Variants in ST8SIA1 observed in about 807,000 individuals in gnomAD.
ST8SIA1 encodes the protein ST8 alpha-N-acetyl-neuraminide alpha-2,8-sialyltransferase 1.
Under a neutral mutation model 35.9 loss-of-function variants are expected in ST8SIA1, and 16 were observed. That is an observed-to-expected ratio of 0.45 (90% CI 0.30 to 0.68). The LOEUF is 0.68. Ranked by LOEUF, ST8SIA1 falls within the 30% of genes least tolerant of loss-of-function variation. The probability of loss-of-function intolerance (pLI) is 0.09; values close to 1 mark genes in which losing one functional copy is unlikely to be tolerated. For missense variants in ST8SIA1, 383 were observed against 453.6 expected, an observed-to-expected ratio of 0.84 and a Z score of 1.41; for synonymous variants, 170 against 169.6, an observed-to-expected ratio of 1.00 and a Z score of -0.02.
intron 4 of ST8SIA1, among the ~76,000 whole-genome samples, chr12:22,226,645 G>T (rs1395889483): frequency 1.3e-5 from 2 of 150,330 alleles, no homozygotes; most frequent in African/African-American, 4.9e-5. Flanking sequence ...ATCTCTCTGA[G>T]TTTTTTTCCT....
chr12:22,217,344 A>C (rs1203596705), intron 4 of ST8SIA1, among the ~76,000 whole-genome samples: 1 of 152,196 alleles, frequency 6.6e-6, no homozygotes, highest in Non-Finnish European at 1.5e-5. Context: ...AGTATACTCT[A>C]ATCTATAGAC....
At chr12:22,212,174 G>A (rs868099707) in intron 4 of ST8SIA1, among the ~76,000 whole-genome samples, 8 of 151,956 alleles carry the variant, frequency 5.3e-5, no homozygotes, top group African/African-American at 1.4e-4. Flanking sequence ...ACCATATTGC[G>A]TTTTAAAAGT....
intron 1 of ST8SIA1, among the ~76,000 whole-genome samples, chr12:22,299,004 A>C (rs532527453): frequency 6.6e-6 from 1 of 152,278 alleles, no homozygotes; most frequent in East Asian, 1.9e-4. Flanking sequence ...TGAATAAAGA[A>C]GCGACAACTG....
At chr12:22,223,492 G>A (rs926661879) in intron 4 of ST8SIA1, 17 of 996,990 alleles carry the variant, frequency 1.7e-5, no homozygotes, top group Middle Eastern at 4.4e-4. Context: ...CAGCTGTGAT[G>A]CTGGCGCAGC....
chr12:22,281,842 T>TA (rs1013650773), intron 2 of ST8SIA1, among the ~76,000 whole-genome samples: 3 of 130,002 alleles, frequency 2.3e-5, no homozygotes, highest in African/African-American at 2.9e-5. Context: ...AAAAATACAA[T>TA]AAAAAAAATA....
At chr12:22,303,889 A>ACACACAG in intron 1 of ST8SIA1, among the ~76,000 whole-genome samples, 1 of 107,898 alleles carries the variant, frequency 9.3e-6, no homozygotes, top group Middle Eastern at 5.2e-3. Context: ...CACACACACA[A>ACACACAG]AAGTGGTGTG....
chr12:22,204,207 A>C (rs1865081569), intron 4 of ST8SIA1, among the ~76,000 whole-genome samples: 1 of 151,990 alleles, frequency 6.6e-6, no homozygotes, highest in Non-Finnish European at 1.5e-5. Context: ...TCTCCATCTC[A>C]ACTGAATTAT....
In ST8SIA1 at chr12:22,201,776, C is replaced by G. The variant is rs2120603394; in HGVS notation, c.847G>C (p.Ala283Pro). 3 of 1,614,134 alleles carry G rather than the reference C, an allele frequency of 1.9e-6. No individual in the cohort carries two copies. Among genetic ancestry groups the G allele is most frequent in the Non-Finnish European group, 2.5e-6 (3 of 1,179,990 alleles). ...GCCACCTCTTCACAGAGACCCAGAG[C>G]TGCGCTCACCAGAAAAAGTCCTGTG... The part of the protein sequence containing the change: ...LSTGLFLVSA[A>P]LGLCEEVAIY... The change falls in exon 5 of 5, where the codon GCT (alanine) becomes CCT (proline). Residue 283 changes from alanine to proline, a missense_variant. Coordinates refer to ENST00000396037, the MANE Select transcript of ST8SIA1 (RefSeq NM_003034.4).
In ST8SIA1 at chr12:22,328,849, T is replaced by C. The variant is rs563354347; in HGVS notation, c.236+5148A>G. Reference sequence around the variant, plus strand: ...AACAGTCCTATAAGAAGCCCCATTTTATGGATAGAGAAATGAGCAATGAAG... The same window carrying C: ...AACAGTCCTATAAGAAGCCCCATTTCATGGATAGAGAAATGAGCAATGAAG... On this transcript the variant is annotated intron_variant, in intron 1 of 4. Transcript: ENST00000396037. Among the ~76,000 whole-genome samples, 8 of 152,340 alleles carry C rather than the reference T, an allele frequency of 5.3e-5. No homozygotes were observed. The South Asian group carries it at 8.3e-4, about 16-fold the overall frequency.
chr12:22,202,260 A>T (rs1332961408), intron 4 of ST8SIA1, among the ~76,000 whole-genome samples: 1 of 152,178 alleles, frequency 6.6e-6, no homozygotes, highest in African/African-American at 2.4e-5. Context: ...CGCAGTTAAC[A>T]TTTGTTAATG....
intron 1 of ST8SIA1, among the ~76,000 whole-genome samples, chr12:22,304,609 T>C (rs973029553): frequency 6.6e-5 from 10 of 152,330 alleles, no homozygotes; most frequent in African/African-American, 2.4e-4. Flanking sequence ...TTATCTGATT[T>C]ATTGACTAAA....
rs1865234298 is a variant in ST8SIA1, at chr12:22,216,418, C to T, written c.585-14380G>A. Among the ~76,000 whole-genome samples the T allele has an allele frequency of 2.0e-5, 3 of 152,154 alleles. No homozygotes were observed. In the South Asian group the frequency reaches 6.2e-4, roughly 32 times the overall value. Reference sequence around the variant, plus strand: ...TGGTGTTCATCAAAAGGGTCATGCTCGCTGAAGCCTCTAAACTGTTGCACA... The same window carrying T: ...TGGTGTTCATCAAAAGGGTCATGCTTGCTGAAGCCTCTAAACTGTTGCACA... On this transcript the variant is annotated intron_variant, in intron 4 of 4. Coordinates refer to ENST00000396037, the MANE Select transcript of ST8SIA1 (RefSeq NM_003034.4).
At chr12:22,238,543 C>T (rs939581857) in intron 4 of ST8SIA1, among the ~76,000 whole-genome samples, 1 of 152,144 alleles carries the variant, frequency 6.6e-6, no homozygotes, top group Non-Finnish European at 1.5e-5. Context: ...ATCTGTTCAG[C>T]CTAGTTCTTC....
rs1328703780 is a variant in ST8SIA1 at position 22,199,511 on chromosome 12, A to C, written c.*2041T>G. The C allele has an allele frequency of 6.6e-6, 1 of 152,136 alleles. No homozygotes were observed. The highest frequency in any genetic ancestry group is 1.5e-5 in the Non-Finnish European group (1 of 68,024). 9.4% of individuals were successfully genotyped at this position (152,136 alleles called of 1,614,324 possible). Reference sequence around the variant, plus strand: ...TTCACTCAAAGTGAATATTTAACACAATTTCTTCATGGTACATTCTCATTA... The same window carrying C: ...TTCACTCAAAGTGAATATTTAACACCATTTCTTCATGGTACATTCTCATTA... On this transcript the variant is annotated 3_prime_UTR_variant, in exon 5 of 5. Coordinates refer to ENST00000396037, the MANE Select transcript of ST8SIA1 (RefSeq NM_003034.4).
rs562920184 is a variant in ST8SIA1, at chr12:22,200,137, G to A, written c.*1415C>T. On this transcript the variant is annotated 3_prime_UTR_variant, in exon 5 of 5. Coordinates refer to ENST00000396037, the MANE Select transcript of ST8SIA1 (RefSeq NM_003034.4). ...CTTGTGTGACCACGCTCAACAGCAA[G>A]CCCATTCATGAGATTTTGGGTAAAA... 18 of 152,332 alleles carry A rather than the reference G, an allele frequency of 1.2e-4. No individual in the cohort carries two copies. In the South Asian group the frequency reaches 3.5e-3, roughly 30 times the overall value. 9.4% of individuals were successfully genotyped at this position (152,332 alleles called of 1,614,324 possible).
rs1864971360 is a variant in ST8SIA1 at position 22,195,221 on chromosome 12, G to GAA, written c.*6329_*6330dup. On this transcript the variant is annotated 3_prime_UTR_variant, in exon 5 of 5. Coordinates refer to ENST00000396037, the MANE Select transcript of ST8SIA1 (RefSeq NM_003034.4). ...AAAAAAAAAAAAAAAAAGAAAGAAA[G>GAA]AAAGAAAGGAAAAAGAAAACGGGAG... 21 of 136,782 alleles carry GAA rather than the reference G, an allele frequency of 1.5e-4. No homozygotes were observed. Among genetic ancestry groups the GAA allele is most frequent in the African/African-American group, 5.4e-4 (20 of 36,780 alleles). 8.5% of individuals were successfully genotyped at this position (136,782 alleles called of 1,614,324 possible). A position where few individuals can be genotyped will look rare whatever the true frequency, so the allele number is the denominator to read the frequency against.
chr12:22,250,294 T>A (rs1865654622), intron 3 of ST8SIA1, among the ~76,000 whole-genome samples: 1 of 152,258 alleles, frequency 6.6e-6, no homozygotes, highest in Non-Finnish European at 1.5e-5. Flanking sequence ...TGATTTTTCC[T>A]CTTTTCTTGA....
In ST8SIA1 at chr12:22,334,033, G is replaced by A. The variant is rs550567855; in HGVS notation, c.200C>T (p.Ala67Val). The A allele has an allele frequency of 9.9e-6, 16 of 1,614,060 alleles. No individual in the cohort carries two copies. The South Asian group carries it at 1.6e-4, about 17-fold the overall frequency. ...GGCCGCGGTCTGGTTCCTCCTCCAC[G>A]CCGTGCCCTGTTGCAGCACCCCCTG... ...IVQGVLQQGT[A>V]WRRNQTAARA... The change falls in exon 1 of 5, where the codon GCG (alanine) becomes GTG (valine). Residue 67 changes from alanine to valine, a missense_variant. Ala to Val is a moderately conservative substitution (Grantham distance 64, BLOSUM62 0). Coordinates refer to ENST00000396037, the MANE Select transcript of ST8SIA1 (RefSeq NM_003034.4).
At chr12:22,218,250 G>A (rs1865255951) in intron 4 of ST8SIA1, among the ~76,000 whole-genome samples, 1 of 152,104 alleles carries the variant, frequency 6.6e-6, no homozygotes, top group East Asian at 1.9e-4. Context: ...CTTGAACCTG[G>A]GAGGCAGAGG....
Sources: gnomAD v4.1 joint callset for allele counts (sites outside exome capture counted in the v4.1 genomes callset) on GRCh38, gnomAD v4.1.1 for gene constraint, MANE v1.5 for transcripts, NCBI Gene and HGNC (gene_info 2026-07-23, HGNC 2026-07-21) for gene names.